The following CCDC120 variants were observed in gnomAD, a reference collection of about 807,000 sequenced individuals.
CCDC120 encodes coiled-coil domain containing 120, also known as coiled-coil domain-containing protein 120.
In CCDC120, 16 loss-of-function variants were observed where a neutral mutation model predicts 37.6. That is an observed-to-expected ratio of 0.43 (90% confidence interval 0.29 to 0.65). The LOEUF is 0.65. Among genes scored for constraint, CCDC120 ranks in the 30% least tolerant of loss-of-function variants. The pLI is 0.18. For synonymous variants in CCDC120, 309 were observed against 275.4 expected, an observed-to-expected ratio of 1.12 and a Z score of -1.21; for missense variants, 650 against 657.4, an observed-to-expected ratio of 0.99 and a Z score of 0.12.
intron 6 of CCDC120, 120 bp from the exon 7 acceptor site, chrX:49,064,916 A>T: frequency 1.3e-6 from 1 of 791,227 alleles, no homozygotes; most frequent in Non-Finnish European, 1.9e-6. Flanking sequence ...TGGGACAGGA[A>T]CAGGATGAGG....
At chrX:49,059,192 A>G in intron 1 of CCDC120, 97 bp downstream of exon 1, 1 of 156,631 alleles carries the variant, frequency 6.4e-6, no homozygotes, top group South Asian at 3.3e-4. Flanking sequence ...GTAGAGAGCT[A>G]GGTCTGTGGG....
Position 49,067,603 on chromosome X carries a change from T to G in CCDC120, c.1489T>G (p.Trp497Gly), listed in dbSNP as rs782154360. The G allele has an allele frequency of 3.6e-5, 42 of 1,182,558 alleles. No homozygotes were observed. Among genetic ancestry groups the G allele is most frequent in the Non-Finnish European group, 4.3e-5 (38 of 879,529 alleles). The change falls in exon 10 of 11, where the codon TGG (tryptophan) becomes GGG (glycine). Residue 497 changes from tryptophan (W) to glycine (G), a missense_variant. Coordinates refer to ENST00000603986, the MANE Select transcript of CCDC120 (RefSeq NM_001163321.4). The stretch of plus-strand genomic sequence containing the variant: ...GCCCCGCAGTGGCGGTGGAACAGGC[T>G]GGGGGGAGCTGCCGCCTGCAGCTGA... ...GLPRSGGGTG[W>G]GELPPAAEVP...
rs782711135 is a variant in CCDC120 at position 49,067,237 on chromosome X, C to T, written c.1123C>T (p.Arg375Trp). ...CCAGGACTCCCAGATGGGCTTCCCC[C>T]GGGCGGACCCTGCCTCCGATCGCGC... Reference protein sequence around the residue: ...GSQDSQMGFPRADPASDRASL... With the variant: ...GSQDSQMGFPWADPASDRASL... The change falls in exon 10 of 11, where the codon CGG (arginine) becomes TGG (tryptophan). Residue 375 changes from arginine (R) to tryptophan (W), a missense_variant. This residue lies in a region of CCDC120 where 576 missense variants were observed against 565.3 expected (regional missense o/e 1.02). Transcript: ENST00000603986. 3.0e-5 allele frequency: 36 copies of T among 1,209,694 alleles called. No homozygotes were observed. Among genetic ancestry groups the T allele is most frequent in the South Asian group, 1.4e-4 (8 of 56,858 alleles).
chrX:49,054,725 C>T (rs1444882972), upstream of CCDC120, among the ~76,000 whole-genome samples: 1 of 110,619 alleles, frequency 9.0e-6, no homozygotes, highest in African/African-American at 3.3e-5. Flanking sequence ...TGACCCTTGT[C>T]CTGAACCCCA....
chrX:49,064,982 G>C (rs782087980), intron 6 of CCDC120, 54 bp from the exon 7 acceptor site: 12 of 1,157,129 alleles, frequency 1.0e-5, no homozygotes, highest in Admixed American at 2.2e-5. Flanking sequence ...GGTGTAAGGG[G>C]GCAGCACCCA....
chrX:49,054,858 C>T (rs782570787), upstream of CCDC120, among the ~76,000 whole-genome samples: 2 of 111,229 alleles, frequency 1.8e-5, no homozygotes, highest in Admixed American at 1.9e-4. Flanking sequence ...CCCTTCCCAT[C>T]CCAGCCCCAG....
chrX:49,054,031 A>T (rs1362623514), upstream of CCDC120, among the ~76,000 whole-genome samples: 3 of 111,580 alleles, frequency 2.7e-5, no homozygotes, highest in East Asian at 8.5e-4. Context: ...TCTTTTTTAA[A>T]CCTCAACCCC....
chrX:49,064,280 G>A (rs1029521341), intron 5 of CCDC120, 90 bp from the exon 6 acceptor site: 1 of 985,081 alleles, frequency 1.0e-6, no homozygotes, highest in Non-Finnish European at 1.4e-6. Context: ...GTCTGAATAG[G>A]CTGCAGGAAG....
At chrX:49,063,458 A>C (rs1343730055) in intron 4 of CCDC120, among the ~76,000 whole-genome samples, 1 of 111,841 alleles carries the variant, frequency 8.9e-6, no homozygotes, top group Non-Finnish European at 1.9e-5. Context: ...GTCTGACCTG[A>C]ACTGGCACAG....
upstream of CCDC120, among the ~76,000 whole-genome samples, chrX:49,058,042 A>G (rs1423637482): frequency 8.9e-6 from 1 of 111,765 alleles, no homozygotes; most frequent in African/African-American, 3.3e-5. Flanking sequence ...TTGCAGGAGT[A>G]GCCTCTGTCT....
In CCDC120 at chrX:49,067,665, C is replaced by T. The variant is rs782689844; in HGVS notation, c.1551C>T (p.Leu517=). 70 of 1,201,611 alleles carry T rather than the reference C, an allele frequency of 5.8e-5. No individual in the cohort carries two copies. Among genetic ancestry groups the T allele is most frequent in the Non-Finnish European group, 4.0e-5 (36 of 889,522 alleles). Residue 517 remains leucine, a synonymous_variant, in exon 10 of 11, where the codon CTC becomes CTT. Coordinates refer to ENST00000603986, the MANE Select transcript of CCDC120 (RefSeq NM_001163321.4). ...PGPLSRRDGL[L]TMLPGPPPVY... ...CCCTCTCCCGCCGGGATGGGCTCCT[C>T]ACCATGCTCCCCGGCCCACCACCTG...
At position 49,064,660 on chromosome X, in the gene CCDC120, C is replaced by T; in HGVS notation, c.720C>T (p.Ser240=). 1 of 1,177,430 alleles carries T rather than the reference C, an allele frequency of 8.5e-7. No individual in the cohort carries two copies. Among genetic ancestry groups the T allele is most frequent in the Non-Finnish European group, 1.1e-6 (1 of 874,797 alleles). Residue 240 remains serine (S), a synonymous_variant, in exon 6 of 11, where the codon AGC becomes AGT. Coordinates refer to ENST00000603986, the MANE Select transcript of CCDC120 (RefSeq NM_001163321.4). ...TGGGCATGCGTCTTGCTCAGCTCAG[C>T]CAAGGTGAGCATCCCCTGGTGAGGG... ...VCLGMRLAQL[S]QEDVVLHSES... is the part of the protein sequence containing the mutation.
chrX:49,068,386 C>A, intron 10 of CCDC120, 158 bp from the exon 11 acceptor site: 1 of 1,046,956 alleles, frequency 9.6e-7, no homozygotes, highest in South Asian at 2.9e-5. Context: ...TGTTTTCTTC[C>A]TTTTTTCTCC....
Position 49,067,640 on chromosome X carries a change from C to T in CCDC120, c.1526C>T (p.Pro509Leu), listed in dbSNP as rs1569522997. ...CCGCCTGCAGCTGAGGTCCCAGGAC[C>T]CCTCTCCCGCCGGGATGGGCTCCTC... ...ELPPAAEVPG[P>L]LSRRDGLLTM... Residue 509 changes from proline (P) to leucine (L), a missense_variant, in exon 10 of 11, where the codon CCC (proline) becomes CTC (leucine). Around this residue, in one of 3 missense-constraint regions of CCDC120, gnomAD observed 576 missense variants for 565.3 expected, o/e 1.02. Coordinates refer to ENST00000603986, the MANE Select transcript of CCDC120 (RefSeq NM_001163321.4). The T allele has an allele frequency of 1.7e-6, 2 of 1,198,072 alleles. No individual in the cohort carries two copies. Among genetic ancestry groups the T allele is most frequent in the Non-Finnish European group, 2.3e-6 (2 of 886,987 alleles).
rs970696578 is a variant in CCDC120, at chrX:49,062,889, G to A, written c.288+288G>A. On this transcript the variant is annotated intron_variant, in intron 4 of 10. Coordinates refer to ENST00000603986, the MANE Select transcript of CCDC120 (RefSeq NM_001163321.4). ...AGCCTGACCAACATGGAGAAATCCC[G>A]TCTCTACTAAAAATGCAAAATTAGG... Among the ~76,000 whole-genome samples the A allele has an allele frequency of 2.8e-5, 3 of 108,917 alleles. No individual in the cohort carries two copies. In the Admixed American group the frequency reaches 2.9e-4, roughly 11 times the overall value. 94.6% of individuals were successfully genotyped at this position (108,917 alleles called of 115,157 possible).
chrX:49,056,734 A>G (rs1353538764), upstream of CCDC120, among the ~76,000 whole-genome samples: 1 of 111,060 alleles, frequency 9.0e-6, no homozygotes, highest in East Asian at 2.8e-4. Context: ...TTTCAAATGT[A>G]TCAAGTGAGA....
Position 49,067,696 on chromosome X carries a change from G to T in CCDC120, c.1582G>T (p.Ala528Ser), listed in dbSNP as rs374882810. ...TMLPGPPPVY[A>S]ADSNSPLLRT... Reference sequence around the variant, plus strand: ...GCTCCCCGGCCCACCACCTGTGTATGCAGCTGACAGCAACAGCCCCCTCCT... The same window carrying T: ...GCTCCCCGGCCCACCACCTGTGTATTCAGCTGACAGCAACAGCCCCCTCCT... The change falls in exon 10 of 11, where the codon GCA (alanine) becomes TCA (serine). Residue 528 changes from alanine to serine, a missense_variant. Transcript: ENST00000603986. The T allele has an allele frequency of 1.1e-5, 13 of 1,196,927 alleles. No homozygotes were observed. In the Admixed American group the frequency reaches 2.9e-4, roughly 26 times the overall value.
Position 49,068,069 on chromosome X carries a change from C to T in CCDC120, c.1955C>T (p.Thr652Met), listed in dbSNP as rs782726173. 20 of 1,165,485 alleles carry T rather than the reference C, an allele frequency of 1.7e-5. No individual in the cohort carries two copies. Among genetic ancestry groups the T allele is most frequent in the African/African-American group, 1.6e-4 (9 of 56,134 alleles). The change falls in exon 10 of 11, where the codon ACG (threonine) becomes ATG (methionine). Residue 652 changes from threonine (T) to methionine (M), a missense_variant. This residue lies in a region of CCDC120 where 576 missense variants were observed against 565.3 expected (regional missense o/e 1.02). Coordinates refer to ENST00000603986, the MANE Select transcript of CCDC120 (RefSeq NM_001163321.4). ...QAPLPHSRSF[T>M]APPVSGRYYA... is the part of the protein sequence containing the mutation. ...CCACTCCCACACTCGAGGAGTTTCA[C>T]GGCGCCCCCTGTCTCTGGCAGGTAT...
intron 6 of CCDC120, 129 bp from the exon 7 acceptor site, chrX:49,064,907 G>A (rs1557080679): frequency 1.3e-6 from 1 of 754,435 alleles, no homozygotes; most frequent in Non-Finnish European, 2.0e-6. Flanking sequence ...GCAGATTCTT[G>A]GGACAGGAAC....
Sources: gnomAD v4.1 joint callset for allele counts (sites outside exome capture counted in the v4.1 genomes callset) on GRCh38, gnomAD v4.1.1 for gene constraint, gnomAD v4.1.1 regional missense constraint, MANE v1.5 for transcripts, NCBI Gene and HGNC (gene_info 2026-07-23, HGNC 2026-07-21) for gene names.